Variants in METTL22 observed in about 807,000 individuals in gnomAD.
METTL22 encodes the protein methyltransferase 22, Kin17 lysine.
METTL22 carries 51 observed loss-of-function variants against 48.4 expected under a neutral mutation model. The observed-to-expected ratio is 1.05, with a 90% CI of 0.84 to 1.33. The LOEUF is 1.33. Among genes scored for constraint, METTL22 ranks in the 40% most tolerant of loss-of-function variants. The pLI is 0.00. For synonymous variants in METTL22, 255 were observed against 214.1 expected (o/e 1.19, Z -1.67); for missense variants, 678 against 526.9 (o/e 1.29, Z -2.81).
At chr16:8,662,912 G>A in the METTL22 span, among the ~76,000 whole-genome samples, 3 of 144,166 alleles carry the variant, frequency 2.1e-5, 1 homozygote, top group African/African-American at 7.8e-5. Flanking sequence ...AAAAGCTCAA[G>A]CAATGGTAGC....
intron 9 of METTL22, among the ~76,000 whole-genome samples, chr16:8,644,024 A>G (rs1382900399): frequency 6.6e-6 from 1 of 152,214 alleles, no homozygotes; most frequent in Non-Finnish European, 1.5e-5. Flanking sequence ...CATCTTGTAG[A>G]CTAAGGTTTT....
the METTL22 span, among the ~76,000 whole-genome samples, chr16:8,663,793 A>T: frequency 7.2e-5 from 11 of 152,184 alleles, no homozygotes; most frequent in African/African-American, 2.4e-4. Context: ...TCTGGGTTTC[A>T]TTTGTCAGAC....
At chr16:8,643,698 C>A (rs1370144835) in intron 9 of METTL22, among the ~76,000 whole-genome samples, 2 of 152,084 alleles carry the variant, frequency 1.3e-5, no homozygotes, top group African/African-American at 4.8e-5. Flanking sequence ...AGCACAAGCG[C>A]CACCTCCCGG....
rs190636287 is a variant in METTL22 at position 8,625,819 on chromosome 16, G to A, written c.133+21G>A. 3.0e-4 allele frequency: 486 copies of A among 1,612,646 alleles called. 4 individuals are homozygous for A. The East Asian group carries it at 9.2e-3, about 30-fold the overall frequency. On this transcript the variant is annotated intron_variant, in intron 2 of 10. Coordinates refer to ENST00000381920, the MANE Select transcript of METTL22 (RefSeq NM_024109.4). The stretch of plus-strand genomic sequence containing the variant: ...GCCAGGTAAGGTCCTGGGCCCAGGT[G>A]CCCTGCGGATCCTATTTTGTTTTCT...
the METTL22 span, among the ~76,000 whole-genome samples, chr16:8,663,055 A>G: frequency 6.6e-6 from 1 of 150,990 alleles, no homozygotes; most frequent in Non-Finnish European, 1.5e-5. Flanking sequence ...TAAAAATACA[A>G]AAATTAGCCG....
Position 8,635,262 on chromosome 16 carries a change from G to C in METTL22, c.650G>C (p.Gly217Ala), listed in dbSNP as rs376368779. 1.2e-6 allele frequency: 2 copies of C among 1,606,944 alleles called. No homozygotes were observed. Among genetic ancestry groups the C allele is most frequent in the African/African-American group, 2.7e-5 (2 of 74,816 alleles). The change falls in exon 5 of 11, where the codon GGG becomes GCG. Residue 217 changes from glycine (G) to alanine (A), a missense_variant. By Grantham distance (60) the Gly-to-Ala change is moderately conservative. Transcript: ENST00000381920. ...GCGCTGGAGCTCGGGGCCGGCACGG[G>C]GCTCGCTAGCATCATCGCAGCCACC... ...CTALELGAGT[G>A]LASIIAATMA... is the part of the protein sequence containing the mutation.
At chr16:8,629,961 G>A (rs2056198644) in intron 3 of METTL22, among the ~76,000 whole-genome samples, 1 of 152,160 alleles carries the variant, frequency 6.6e-6, no homozygotes, top group African/African-American at 2.4e-5. Context: ...CTGCTTGGTG[G>A]TGGTGAGCGA....
In METTL22 at chr16:8,642,212, G is replaced by C. The variant is rs1292033940; in HGVS notation, c.907+5G>C. On this transcript the variant is annotated splice_donor_5th_base_variant and intron_variant, in intron 8 of 10. Coordinates refer to ENST00000381920, the MANE Select transcript of METTL22 (RefSeq NM_024109.4). Reference sequence around the variant, plus strand: ...CCATCCTGTTTGCAGCCGAAGGTAAGAAAATTTCTCCTTCGCCGTACACGT... The same window carrying C: ...CCATCCTGTTTGCAGCCGAAGGTAACAAAATTTCTCCTTCGCCGTACACGT... The C allele has an allele frequency of 6.2e-7, 1 of 1,610,726 alleles. No individual in the cohort carries two copies. Among genetic ancestry groups the C allele is most frequent in the Non-Finnish European group, 8.5e-7 (1 of 1,177,118 alleles).
At chr16:8,661,075 G>A in the METTL22 span, among the ~76,000 whole-genome samples, 1 of 152,180 alleles carries the variant, frequency 6.6e-6, no homozygotes, top group Non-Finnish European at 1.5e-5. Flanking sequence ...CGGCTTGAGG[G>A]AAGCAGGGCC....
intron 5 of METTL22, among the ~76,000 whole-genome samples, chr16:8,636,266 G>A (rs995893270): frequency 2.6e-4 from 40 of 152,166 alleles, no homozygotes; most frequent in African/African-American, 9.4e-4. Context: ...CAGGTGCGGT[G>A]GCTGACATCT....
At chr16:8,643,344 A>G (rs1475260158) in intron 9 of METTL22, among the ~76,000 whole-genome samples, 1 of 152,212 alleles carries the variant, frequency 6.6e-6, no homozygotes, top group Non-Finnish European at 1.5e-5. Context: ...GATTTCATAA[A>G]CTGTAAAGGA....
At chr16:8,641,360 G>A (rs781226975) in intron 7 of METTL22, 176 bp downstream of exon 7, 64 of 697,158 alleles carry the variant, frequency 9.2e-5, no homozygotes, top group African/African-American at 9.1e-4. Context: ...TTCTCTGAGC[G>A]CCTGCTGCAT....
rs1316576349 is a variant in METTL22 at position 8,642,498 on chromosome 16, A to G, written c.943A>G (p.Lys315Glu). 3 of 1,614,220 alleles carry G rather than the reference A, an allele frequency of 1.9e-6. No homozygotes were observed. The highest frequency in any genetic ancestry group is 1.1e-5 in the South Asian group (1 of 91,084). The change falls in exon 9 of 11, where the codon AAA becomes GAA. Residue 315 changes from lysine (K) to glutamate (E), a missense_variant. Physicochemically the swap from Lys to Glu is moderately conservative, Grantham distance 56. Transcript: ENST00000381920. ...YDDDLTDAVF[K>E]TLSRLAHRLK... ...CGACGACTTGACTGATGCTGTGTTT[A>G]AAACGCTCTCCCGACTCGCCCACAG... is the stretch of plus-strand genomic sequence containing the variant.
At chr16:8,628,375 C>G (rs2056133979) in intron 2 of METTL22, among the ~76,000 whole-genome samples, 1 of 152,138 alleles carries the variant, frequency 6.6e-6, no homozygotes, top group South Asian at 2.1e-4. Flanking sequence ...TGAGCTCATT[C>G]CTAAAAGTTG....
intron 5 of METTL22, 137 bp from the exon 6 acceptor site, chr16:8,638,954 G>C (rs2056506775): frequency 1.3e-6 from 1 of 775,450 alleles, no homozygotes; most frequent in African/African-American, 1.7e-5. Flanking sequence ...TTTAATTTTG[G>C]CAGTAAGACA....
intron 6 of METTL22, 50 bp downstream of exon 6, chr16:8,639,212 A>G: frequency 6.4e-7 from 1 of 1,572,276 alleles, no homozygotes; most frequent in South Asian, 1.1e-5. Flanking sequence ...TCTGTTTAGC[A>G]GATAGGACAG....
downstream of METTL22, among the ~76,000 whole-genome samples, chr16:8,650,979 C>A (rs1352094627): frequency 6.6e-6 from 1 of 152,064 alleles, no homozygotes; most frequent in Non-Finnish European, 1.5e-5. Flanking sequence ...TAAGATTGCA[C>A]CATTGCACTC....
chr16:8,641,222 G>A (rs775464470), intron 7 of METTL22, 38 bp downstream of exon 7: 1 of 1,608,266 alleles, frequency 6.2e-7, no homozygotes, highest in Middle Eastern at 1.7e-4. Context: ...GTATGATTCA[G>A]TGATTCCTTT....
At chr16:8,660,780 TGGAGGAGGAGGAGGAGGA>T in the METTL22 span, among the ~76,000 whole-genome samples, 124 of 15,760 alleles carry the variant, frequency 7.9e-3, no homozygotes, top group Admixed American at 0.02. Context: ...GGGCAAGTCT[TGGAGGAGGAGGAGGAGGA>T]GGAGGAGGAG....
Sources: allele counts gnomAD v4.1 joint callset (sites outside exome capture counted in the v4.1 genomes callset), GRCh38; gene constraint gnomAD v4.1.1; transcripts MANE v1.5; gene names NCBI Gene and HGNC (gene_info 2026-07-23, HGNC 2026-07-21).